The following SFMBT2 variants were observed in gnomAD, a reference collection of about 807,000 sequenced individuals.
The protein encoded by SFMBT2 is scm-like with four MBT domains protein 2.
Under a neutral mutation model 110.1 loss-of-function variants are expected in SFMBT2, and 38 were observed. The observed-to-expected ratio is 0.35, with a 90% CI of 0.27 to 0.45. The LOEUF is 0.45. Ranked by LOEUF, SFMBT2 falls within the 20% of genes least tolerant of loss-of-function variation. The probability of loss-of-function intolerance (pLI) is 1.00; values close to 1 mark genes in which losing one functional copy is unlikely to be tolerated. For missense variants in SFMBT2, 1,011 were observed against 1,094.9 expected (o/e 0.92, Z 1.08); for synonymous variants, 425 against 425.4 (o/e 1.00, Z 0.01).
intron 1 of SFMBT2, among the ~76,000 whole-genome samples, chr10:7,399,221 T>C (rs971899193): frequency 6.6e-6 from 1 of 152,004 alleles, no homozygotes; most frequent in Non-Finnish European, 1.5e-5. Flanking sequence ...ATCCACCAAG[T>C]TTTTTGGGGT....
intron 14 of SFMBT2, chr10:7,197,924 G>A (rs192869584): frequency 3.1e-6 from 3 of 954,422 alleles, no homozygotes; most frequent in Non-Finnish European, 3.7e-6. Flanking sequence ...GTTCCAAATC[G>A]TGACAAAGCA....
chr10:7,379,775 A>T (rs1350898566), intron 2 of SFMBT2, among the ~76,000 whole-genome samples: 2 of 152,314 alleles, frequency 1.3e-5, no homozygotes, highest in East Asian at 3.9e-4. Context: ...GGAACCAATC[A>T]CAACATGAGT....
chr10:7,192,335 A>G (rs1009451440), intron 15 of SFMBT2, among the ~76,000 whole-genome samples: 1 of 152,182 alleles, frequency 6.6e-6, no homozygotes, highest in Non-Finnish European at 1.5e-5. Flanking sequence ...CGAGATCGTC[A>G]TTCCTACTCC....
At position 7,236,913 on chromosome 10, in the gene SFMBT2, G is replaced by T. The variant is rs142745304; in HGVS notation, c.1120+6645C>A. The stretch of plus-strand genomic sequence containing the variant: ...GTTAGAATATATAAACTACTTCTAC[G>T]ATCAAAAGAAAATGGGCCGAAGAAG... On this transcript the variant is annotated intron_variant, in intron 9 of 20. Coordinates refer to ENST00000397167, the MANE Select transcript of SFMBT2 (RefSeq NM_001387889.1). 6.9e-3 allele frequency among the ~76,000 whole-genome samples: 1,057 copies of T among 152,242 alleles called. 13 individuals carry two copies. The highest frequency in any genetic ancestry group is 4.7e-3 in the Non-Finnish European group (321 of 68,012).
At chr10:7,246,460 C>T (rs1840614913) in intron 8 of SFMBT2, among the ~76,000 whole-genome samples, 1 of 152,074 alleles carries the variant, frequency 6.6e-6, no homozygotes, top group African/African-American at 2.4e-5. Context: ...GTGGCTCACG[C>T]CTATAATCCC....
chr10:7,370,255 G>A, intron 3 of SFMBT2, 26 bp downstream of exon 3: 2 of 1,594,598 alleles, frequency 1.3e-6, no homozygotes. Context: ...TCTAGACACA[G>A]AGAAGACACA....
chr10:7,197,636 C>T lies in SFMBT2; in HGVS notation c.1610G>A (p.Cys537Tyr). 2 of 1,614,180 alleles carry T rather than the reference C, an allele frequency of 1.2e-6. No individual in the cohort carries two copies. The highest frequency in any genetic ancestry group is 2.2e-5 in the South Asian group (2 of 91,080). ...CCPQLFINHR[C>Y]FSGPYLNKGR... The stretch of plus-strand genomic sequence containing the variant: ...TTTGTTCAGGTAAGGGCCTGAGAAA[C>T]ACCTGTGGTTGATGAAGAGCTGAGG... Residue 537 changes from cysteine (C) to tyrosine (Y), a missense_variant, in exon 15 of 21, where the codon TGT becomes TAT. Coordinates refer to ENST00000397167, the MANE Select transcript of SFMBT2 (RefSeq NM_001387889.1).
rs539685935 is a variant in SFMBT2, at chr10:7,358,218, A to G, written c.436+9431T>C. ...GAACATCTGCATGGCCCTGGAATGG[A>G]GGCACTGCCCTAGAACACCTGCATG... On this transcript the variant is annotated intron_variant, in intron 4 of 20. Transcript: ENST00000397167. Among the ~76,000 whole-genome samples, 3 of 123,974 alleles carry G rather than the reference A, an allele frequency of 2.4e-5. No homozygotes were observed. In the East Asian group the frequency reaches 6.1e-4, roughly 25 times the overall value. The allele number at this position is 123,974 out of a possible 152,430, so 81.3% of individuals were successfully genotyped here. A position where few individuals can be genotyped will look rare whatever the true frequency, so the allele number is the denominator to read the frequency against.
chr10:7,386,951 AC>A (rs1845624989), intron 1 of SFMBT2, among the ~76,000 whole-genome samples: 1 of 152,106 alleles, frequency 6.6e-6, no homozygotes, highest in Non-Finnish European at 1.5e-5. Context: ...TGCGGTTTGA[AC>A]CCACACAACT....
At chr10:7,283,607 TGGA>T (rs1842007865) in intron 6 of SFMBT2, among the ~76,000 whole-genome samples, 1 of 152,156 alleles carries the variant, frequency 6.6e-6, no homozygotes, top group Admixed American at 6.5e-5. Context: ...AAGAAAAACG[TGGA>T]GAATATCCTC....
At chr10:7,186,536 CCTGGACTCAAGCGATTT>C (rs1838418457) in intron 16 of SFMBT2, among the ~76,000 whole-genome samples, 2 of 150,472 alleles carry the variant, frequency 1.3e-5, no homozygotes, top group African/African-American at 4.9e-5. Flanking sequence ...GTCTTGAATT[CCTGGACTCAAGCGATTT>C]GCTGCTTCAG....
intron 4 of SFMBT2, among the ~76,000 whole-genome samples, chr10:7,366,553 A>G (rs1466797699): frequency 6.6e-6 from 1 of 152,184 alleles, no homozygotes; most frequent in Non-Finnish European, 1.5e-5. Flanking sequence ...TCACTTCAAG[A>G]TGAAAACAGG....
At chr10:7,359,106 G>A (rs1233691062) in intron 4 of SFMBT2, among the ~76,000 whole-genome samples, 1 of 152,212 alleles carries the variant, frequency 6.6e-6, no homozygotes, top group East Asian at 1.9e-4. Flanking sequence ...GGTCAACGAG[G>A]CAGGGTCAAG....
At chr10:7,400,224 G>T (rs1017292338) in intron 1 of SFMBT2, among the ~76,000 whole-genome samples, 1 of 152,206 alleles carries the variant, frequency 6.6e-6, no homozygotes, top group Non-Finnish European at 1.5e-5. Context: ...AGTTCACAGC[G>T]GTAGAGGGAG....
chr10:7,174,669 A>G (rs1455376735), intron 17 of SFMBT2, among the ~76,000 whole-genome samples: 1 of 152,242 alleles, frequency 6.6e-6, no homozygotes, highest in Non-Finnish European at 1.5e-5. Flanking sequence ...AAGAACACAG[A>G]AGCCCACCTG....
At chr10:7,236,419 T>C (rs1840256787) in intron 9 of SFMBT2, among the ~76,000 whole-genome samples, 1 of 152,042 alleles carries the variant, frequency 6.6e-6, no homozygotes, top group Non-Finnish European at 1.5e-5. Context: ...GTAATAACAA[T>C]TTGTTCAGGG....
At chr10:7,205,621 G>A (rs1420313454) in intron 12 of SFMBT2, 194 bp downstream of exon 12, 3 of 985,272 alleles carry the variant, frequency 3.0e-6, no homozygotes, top group Non-Finnish European at 3.6e-6. Flanking sequence ...CACTGTTAAA[G>A]TTTGTCAACC....
rs576554215 is a variant in SFMBT2, at chr10:7,175,604, C to T, written c.1984+386G>A. ...AAGAAGGGCAATGAAAGCATCATTA[C>T]ACTATCCCAGAGTAAGGACTGAAAG... On this transcript the variant is annotated intron_variant, in intron 17 of 20. Coordinates refer to ENST00000397167, the MANE Select transcript of SFMBT2 (RefSeq NM_001387889.1). Among the ~76,000 whole-genome samples, 28 of 152,354 alleles carry T rather than the reference C, an allele frequency of 1.8e-4. No individual in the cohort carries two copies. The South Asian group carries it at 5.2e-3, about 28-fold the overall frequency.
At chr10:7,312,948 G>C (rs1299246881) in intron 4 of SFMBT2, among the ~76,000 whole-genome samples, 2 of 152,096 alleles carry the variant, frequency 1.3e-5, no homozygotes, top group Non-Finnish European at 2.9e-5. Context: ...CTCTGCCAAA[G>C]GACTGTAATG....
Sources: gnomAD v4.1 joint callset for allele counts (sites outside exome capture counted in the v4.1 genomes callset) on GRCh38, gnomAD v4.1.1 for gene constraint, MANE v1.5 for transcripts, NCBI Gene and HGNC (gene_info 2026-07-23, HGNC 2026-07-21) for gene names.